GCFC2: variants seen among roughly 807,000 people sequenced by gnomAD.
The protein encoded by GCFC2 is GC-rich sequence DNA-binding factor 2, also known as intron Large complex component GCFC2.
Under a neutral mutation model 99.4 loss-of-function variants are expected in GCFC2, and 102 were observed. That is an observed-to-expected ratio of 1.03 (90% CI 0.87 to 1.21). The LOEUF is 1.21. GCFC2 is among the 50% of genes most tolerant of loss of function. The pLI, the probability that GCFC2 is intolerant of heterozygous loss-of-function variation, is 0.00. For missense variants in GCFC2, 973 were observed against 920.9 expected (o/e 1.06, Z -0.73); for synonymous variants, 338 against 316.8 (o/e 1.07, Z -0.71).
intron 12 of GCFC2, among the ~76,000 whole-genome samples, chr2:75,677,912 A>G (rs1249993885): frequency 6.6e-6 from 1 of 151,438 alleles, no homozygotes; most frequent in Non-Finnish European, 1.5e-5. Context: ...TGGGAGGCGG[A>G]GGTTGCAGTG....
intron 11 of GCFC2, among the ~76,000 whole-genome samples, chr2:75,684,053 G>A (rs557504438): frequency 2.6e-5 from 4 of 152,110 alleles, no homozygotes; most frequent in South Asian, 2.1e-4. Context: ...TCCCACTGTC[G>A]ATAACAGACA....
intron 8 of GCFC2, chr2:75,690,367 G>A: frequency 2.0e-6 from 1 of 500,356 alleles, no homozygotes; most frequent in Non-Finnish European, 3.5e-6. Context: ...TCCGAAGAGG[G>A]GGTAATTATA....
intron 2 of GCFC2, among the ~76,000 whole-genome samples, chr2:75,704,240 G>A (rs1680734978): frequency 6.6e-6 from 1 of 152,188 alleles, no homozygotes; most frequent in South Asian, 2.1e-4. Context: ...ATCTAGGGCT[G>A]AGAGGTAAAT....
At chr2:75,707,912 C>G (rs35278472) in intron 1 of GCFC2, among the ~76,000 whole-genome samples, 75,870 of 151,960 alleles carry the variant, frequency 0.5, 20,516 homozygotes, top group African/African-American at 0.73. Context: ...TCTTCATGAA[C>G]TAATTAAAAA....
chr2:75,700,401 G>C (rs1300846725), intron 4 of GCFC2, among the ~76,000 whole-genome samples: 1 of 151,894 alleles, frequency 6.6e-6, no homozygotes, highest in African/African-American at 2.4e-5. Flanking sequence ...CACATAATGA[G>C]ATTTAATATA....
chr2:75,682,451 A>G (rs889883256), intron 11 of GCFC2, among the ~76,000 whole-genome samples: 2 of 151,902 alleles, frequency 1.3e-5, no homozygotes, highest in Non-Finnish European at 2.9e-5. Flanking sequence ...GGTCACCAAC[A>G]TCAAAGACCA....
chr2:75,680,899 T>C (rs182268187), intron 11 of GCFC2, among the ~76,000 whole-genome samples: 1 of 152,306 alleles, frequency 6.6e-6, no homozygotes, highest in Admixed American at 6.5e-5. Context: ...TCTGTGCCGA[T>C]ATGCTCTAAC....
intron 4 of GCFC2, among the ~76,000 whole-genome samples, chr2:75,699,861 G>A (rs1452364583): frequency 6.6e-6 from 1 of 151,354 alleles, no homozygotes; most frequent in Non-Finnish European, 1.5e-5. Context: ...ACAGGTGTGA[G>A]CCACTATGCC....
upstream of GCFC2, chr2:75,710,989 C>T: frequency 7.4e-7 from 1 of 1,357,928 alleles, no homozygotes; most frequent in Non-Finnish European, 9.4e-7. Context: ...GCCTTCTGCT[C>T]ACCGCTACTC....
chr2:75,679,468 A>G (rs1679477649), intron 12 of GCFC2, among the ~76,000 whole-genome samples: 1 of 152,212 alleles, frequency 6.6e-6, no homozygotes, highest in African/African-American at 2.4e-5. Flanking sequence ...GAGTGAGAAG[A>G]TTCTCAGCAA....
At chr2:75,703,527 AAT>A (rs573973422) in intron 2 of GCFC2, among the ~76,000 whole-genome samples, 233 of 152,366 alleles carry the variant, frequency 1.5e-3, no homozygotes, top group Middle Eastern at 3.4e-3. Flanking sequence ...GAAGTCAATA[AAT>A]ATTCATCAAG....
intron 1 of GCFC2, among the ~76,000 whole-genome samples, chr2:75,708,230 T>G (rs541517981): frequency 1.3e-5 from 2 of 152,332 alleles, no homozygotes; most frequent in East Asian, 3.9e-4. Context: ...ATTGAGATTT[T>G]GGAAAACTTA....
Position 75,709,363 on chromosome 2 carries a change from C to T in GCFC2, c.265+1228G>A, listed in dbSNP as rs1410954423. On this transcript the variant is annotated intron_variant, in intron 1 of 16. Coordinates refer to ENST00000321027, the MANE Select transcript of GCFC2 (RefSeq NM_003203.5). ...AAACAAATATAAAAGGTCATGAAAA[C>T]TTTAGACAAATAGAAGGTCACAAGA... Among the ~76,000 whole-genome samples the T allele has an allele frequency of 2.6e-5, 4 of 152,122 alleles. No individual in the cohort carries two copies. In the East Asian group the frequency reaches 7.7e-4, roughly 29 times the overall value.
intron 12 of GCFC2, chr2:75,679,649 C>T: frequency 2.5e-6 from 1 of 396,324 alleles, no homozygotes; most frequent in Non-Finnish European, 4.4e-6. Flanking sequence ...ATTTTGAAAC[C>T]ATTGTTCAAG....
intron 15 of GCFC2, among the ~76,000 whole-genome samples, chr2:75,668,023 T>C (rs1171804894): frequency 1.3e-5 from 2 of 152,162 alleles, no homozygotes. Context: ...TTCTATAATT[T>C]TGATGAATGT....
chr2:75,700,576 A>G (rs947421920), intron 4 of GCFC2, among the ~76,000 whole-genome samples: 6 of 152,246 alleles, frequency 3.9e-5, no homozygotes, highest in African/African-American at 1.4e-4. Context: ...ACAGGCGTTT[A>G]AAAGTAAAGC....
chr2:75,705,063 G>A (rs554052833), intron 2 of GCFC2, among the ~76,000 whole-genome samples: 4 of 152,190 alleles, frequency 2.6e-5, no homozygotes, highest in East Asian at 3.9e-4. Context: ...TCTCAGTCTC[G>A]CTATAGCCAC....
At chr2:75,704,539 G>A (rs921044697) in intron 2 of GCFC2, among the ~76,000 whole-genome samples, 4 of 152,178 alleles carry the variant, frequency 2.6e-5, no homozygotes, top group Non-Finnish European at 5.9e-5. Context: ...CTTGCCTCTA[G>A]GGCACTATGT....
In GCFC2 at chr2:75,670,142, T is replaced by C. The variant is rs767366248; in HGVS notation, c.2099A>G (p.Asn700Ser). The C allele has an allele frequency of 1.3e-6, 2 of 1,596,566 alleles. No homozygotes were observed. Among genetic ancestry groups the C allele is most frequent in the African/African-American group, 2.7e-5 (2 of 74,388 alleles). The stretch of plus-strand genomic sequence containing the variant: ...CAGTCTTCCTTCACAACTTACCTGG[T>C]TGCACTTTTTAACCACATCTGGCCC... ...TPGPDVVKKC[N>S]QVAACLPEKW... Residue 700 changes from asparagine to serine, a missense_variant, in exon 15 of 17, where the codon AAC becomes AGC. Physicochemically the swap from Asn to Ser is conservative, Grantham distance 46 (BLOSUM62 1). Coordinates refer to ENST00000321027, the MANE Select transcript of GCFC2 (RefSeq NM_003203.5).
Sources: allele counts gnomAD v4.1 joint callset (sites outside exome capture counted in the v4.1 genomes callset), GRCh38; gene constraint gnomAD v4.1.1; transcripts MANE v1.5; gene names NCBI Gene and HGNC (gene_info 2026-07-23, HGNC 2026-07-21).